Variants in RNF146 observed in about 807,000 individuals in gnomAD.
The protein encoded by RNF146 is E3 ubiquitin-protein ligase RNF146.
Under a neutral mutation model 29.7 loss-of-function variants are expected in RNF146, and 11 were observed. That is an observed-to-expected ratio of 0.37 (90% CI 0.23 to 0.61). The LOEUF (loss-of-function observed/expected upper bound fraction) is 0.61. Ranked by LOEUF, RNF146 falls within the 20% of genes least tolerant of loss-of-function variation. RNF146 has a pLI of 0.66. For synonymous variants in RNF146, 150 were observed against 159.7 expected (o/e 0.94, Z 0.46); for missense variants, 342 against 438.9 (o/e 0.78, Z 1.97).
In RNF146 at chr6:127,287,021, T is replaced by C. The variant is rs1020899201; in HGVS notation, c.408T>C (p.Thr136=). 9 of 1,613,366 alleles carry C rather than the reference T, an allele frequency of 5.6e-6. No individual in the cohort carries two copies. The highest frequency in any genetic ancestry group is 2.7e-5 in the African/African-American group (2 of 74,968). The part of the protein sequence containing the change: ...EDAFSKGKKN[T]EMLIAGFLYV... ...CTTTTTCCAAAGGTAAAAAGAACACTGAAATGTTAATTGCTGGCTTTCTGT... is the reference window on the plus strand; with the variant it reads ...CTTTTTCCAAAGGTAAAAAGAACACCGAAATGTTAATTGCTGGCTTTCTGT... The change falls in exon 3 of 3, where the codon ACT becomes ACC. Residue 136 remains threonine (T), a synonymous_variant. Coordinates refer to ENST00000368314, the MANE Select transcript of RNF146 (RefSeq NM_001242850.2).
At chr6:127,270,728 A>G (rs1777354752) in intron 1 of RNF146, among the ~76,000 whole-genome samples, 1 of 151,976 alleles carries the variant, frequency 6.6e-6, no homozygotes, top group South Asian at 2.1e-4. Flanking sequence ...GAGCAAAACC[A>G]ATGTTTCTTT....
At chr6:127,267,041 C>T (rs985128299) in intron 1 of RNF146, 116 bp downstream of exon 1, 18 of 152,778 alleles carry the variant, frequency 1.2e-4, no homozygotes, top group Non-Finnish European at 2.5e-4. Flanking sequence ...GCAACGTACT[C>T]CGGGTCGGCC....
chr6:127,286,596 TTATATG>T lies in RNF146; in HGVS notation c.3-16_3-11del. ...CAAGAATTAAAACATGACTTTAATATTATATGTATTTTTTCTTAGGATGGCTGGCTG... is the reference window on the plus strand; with the variant it reads ...CAAGAATTAAAACATGACTTTAATATTATTTTTTCTTAGGATGGCTGGCTG... On this transcript the variant is annotated splice_polypyrimidine_tract_variant and intron_variant, in intron 2 of 2. Coordinates refer to ENST00000368314, the MANE Select transcript of RNF146 (RefSeq NM_001242850.2). This position sits in a 1 kb window ranked among gnomAD's most constrained non-coding sequence, Gnocchi z 4.6. The T allele has an allele frequency of 6.3e-7, 1 of 1,577,890 alleles. No individual in the cohort carries two copies. The highest frequency in any genetic ancestry group is 1.8e-5 in the Admixed American group (1 of 55,568).
intron 2 of RNF146, among the ~76,000 whole-genome samples, chr6:127,281,084 C>T (rs1778855269): frequency 6.6e-6 from 1 of 151,612 alleles, no homozygotes; most frequent in South Asian, 2.1e-4. Flanking sequence ...TGCTATTTCA[C>T]ATTTTCCCAG....
chr6:127,277,709 T>C (rs1216426691), intron 1 of RNF146, among the ~76,000 whole-genome samples: 1 of 152,024 alleles, frequency 6.6e-6, no homozygotes, highest in Non-Finnish European at 1.5e-5. Context: ...TTATATTCAC[T>C]GGCAGCTGAT....
At chr6:127,285,142 G>C (rs1378692694) in intron 2 of RNF146, 2 of 886,654 alleles carry the variant, frequency 2.3e-6, no homozygotes, top group East Asian at 2.5e-4. Flanking sequence ...CATTGAGACT[G>C]TGTTGGTTCC....
At chr6:127,268,852 C>CT (rs796298835) in intron 1 of RNF146, among the ~76,000 whole-genome samples, 161 of 148,362 alleles carry the variant, frequency 1.1e-3, no homozygotes, top group African/African-American at 3.5e-3. Context: ...AAGGAACAGA[C>CT]TTTTTTTTTT....
intron 1 of RNF146, among the ~76,000 whole-genome samples, chr6:127,277,551 G>A (rs1299350456): frequency 6.6e-6 from 1 of 152,068 alleles, no homozygotes; most frequent in East Asian, 1.9e-4. Context: ...ACAACAGGCT[G>A]TCTGCAAGGA....
intron 2 of RNF146, among the ~76,000 whole-genome samples, chr6:127,281,510 C>T (rs1340107692): frequency 6.6e-6 from 1 of 151,618 alleles, no homozygotes; most frequent in Admixed American, 6.6e-5. Context: ...TAAGTTTCAC[C>T]TTGCCTTCAA....
At chr6:127,281,427 T>A (rs1194051398) in intron 2 of RNF146, among the ~76,000 whole-genome samples, 1 of 151,712 alleles carries the variant, frequency 6.6e-6, no homozygotes, top group Non-Finnish European at 1.5e-5. Flanking sequence ...CATATTAAGG[T>A]AACAATCAGA....
intron 1 of RNF146, among the ~76,000 whole-genome samples, chr6:127,270,026 C>T (rs1166124806): frequency 6.6e-6 from 1 of 151,956 alleles, no homozygotes. Flanking sequence ...GTTATATGCT[C>T]ATCTTTTTCT....
chr6:127,266,715 A>G (rs1008061230), upstream of RNF146: 1 of 152,296 alleles, frequency 6.6e-6, no homozygotes. Flanking sequence ...CACAGGCAAG[A>G]GAGTACCGGC....
chr6:127,287,513 T>C lies in RNF146; in HGVS notation c.900T>C (p.Ser300=), dbSNP rs982538097. The C allele has an allele frequency of 5.6e-6, 9 of 1,613,192 alleles. No homozygotes were observed. The African/African-American group carries it at 6.7e-5, about 12-fold the overall frequency. Residue 300 remains serine (S), a synonymous_variant, in exon 3 of 3, where the codon TCT becomes TCC. Transcript: ENST00000368314. ...SDASSDSEDV[S]AVVAQHSLTQ... ...CCAGTAGTGATAGTGAGGATGTATC[T>C]GCAGTTGTTGCACAGCACTCCTTGA...
At chr6:127,280,603 A>G in intron 2 of RNF146, 1 of 1,145,138 alleles carries the variant, frequency 8.7e-7, no homozygotes, top group African/African-American at 1.6e-5. Flanking sequence ...ATAGATCTCC[A>G]GGTCCTCTGG....
intron 1 of RNF146, among the ~76,000 whole-genome samples, chr6:127,275,779 G>A (rs968499686): frequency 2.0e-5 from 3 of 152,032 alleles, no homozygotes; most frequent in Non-Finnish European, 4.4e-5. Context: ...GGAATAGATC[G>A]TACCAGGCAG....
chr6:127,278,524 A>G (rs1778535147), intron 1 of RNF146, among the ~76,000 whole-genome samples: 1 of 151,958 alleles, frequency 6.6e-6, no homozygotes. Context: ...ATTTCTTTTT[A>G]TTACTGAATA....
chr6:127,276,169 TGTGAGAGA>T (rs1012736639), intron 1 of RNF146, among the ~76,000 whole-genome samples: 1 of 151,654 alleles, frequency 6.6e-6, no homozygotes, highest in African/African-American at 2.4e-5. Flanking sequence ...TGTGTGTGTG[TGTGAGAGA>T]GTGAGAGAGA....
chr6:127,285,557 A>G (rs1204783316), intron 2 of RNF146, among the ~76,000 whole-genome samples: 1 of 133,494 alleles, frequency 7.5e-6, no homozygotes, highest in African/African-American at 2.8e-5. Context: ...ACCATGGGGA[A>G]AAAAATTAGA....
At chr6:127,268,797 CAA>C (rs1162141803) in intron 1 of RNF146, among the ~76,000 whole-genome samples, 1 of 151,922 alleles carries the variant, frequency 6.6e-6, no homozygotes, top group Non-Finnish European at 1.5e-5. Flanking sequence ...TGTCAACTTA[CAA>C]AGTGTTTTGT....
Sources: gnomAD v4.1 joint callset for allele counts (sites outside exome capture counted in the v4.1 genomes callset) on GRCh38, gnomAD v4.1.1 for gene constraint, Gnocchi (gnomAD v3.1) non-coding constraint, MANE v1.5 for transcripts, NCBI Gene and HGNC (gene_info 2026-07-23, HGNC 2026-07-21) for gene names.